TANC2: variants seen among roughly 807,000 people sequenced by gnomAD.
The protein encoded by TANC2 is tetratricopeptide repeat, ankyrin repeat and coiled-coil containing 2.
TANC2 carries 26 observed loss-of-function variants against 210.5 expected under a neutral mutation model. The ratio of observed to expected loss-of-function variants is 0.12; its 90% CI spans 0.09 to 0.17. The LOEUF is 0.17. Among genes scored for constraint, TANC2 ranks in the 10% least tolerant of loss-of-function variants. The pLI is 1.00. For missense variants in TANC2, 2,129 were observed against 2,608.9 expected (o/e 0.82, Z 4.01); for synonymous variants, 931 against 967.1 (o/e 0.96, Z 0.69).
intron 6 of TANC2, among the ~76,000 whole-genome samples, chr17:63,198,893 G>A (rs989070604): frequency 6.6e-6 from 1 of 152,174 alleles, no homozygotes; most frequent in Non-Finnish European, 1.5e-5. Flanking sequence ...TAGTAGAAGA[G>A]AAATTTGGAT....
In TANC2 at chr17:63,421,997, C is replaced by T. The variant is rs2049038058; in HGVS notation, c.*42C>T. ...GTGAGACCCATATGTTTTCACTGCA[C>T]ATTTTCAGGCTTGGTTTCCACATTC... On this transcript the variant is annotated 3_prime_UTR_variant, in exon 28 of 28. Transcript: ENST00000689528. This position sits in a 1 kb window ranked among gnomAD's most constrained non-coding sequence, Gnocchi z 6.9. 3 of 1,541,324 alleles carry T rather than the reference C, an allele frequency of 1.9e-6. No homozygotes were observed. The highest frequency in any genetic ancestry group is 2.6e-6 in the Non-Finnish European group (3 of 1,144,514).
chr17:63,131,614 A>G lies in TANC2; in HGVS notation c.323-19656A>G, dbSNP rs914096146. Among the ~76,000 whole-genome samples, 6 of 152,122 alleles carry G rather than the reference A, an allele frequency of 3.9e-5. No individual in the cohort carries two copies. In the East Asian group the frequency reaches 9.6e-4, roughly 24 times the overall value. On this transcript the variant is annotated intron_variant, in intron 4 of 27. Transcript: ENST00000689528. The stretch of plus-strand genomic sequence containing the variant: ...CATCACAAGACTGATCCAAATATCC[A>G]GTATTAACGGATATTTAAGTAAACA...
intron 6 of TANC2, chr17:63,197,507 T>G (rs1348478108): frequency 6.6e-6 from 1 of 152,230 alleles, no homozygotes; most frequent in Non-Finnish European, 1.5e-5. Context: ...TAAACTGCTA[T>G]GCTTAGGCAG....
intron 26 of TANC2, among the ~76,000 whole-genome samples, chr17:63,416,144 T>G (rs1022462717): frequency 6.6e-6 from 1 of 152,220 alleles, no homozygotes; most frequent in Non-Finnish European, 1.5e-5. Flanking sequence ...TTTTCGCCTC[T>G]TTCCTCATCT....
At chr17:63,375,814 G>A (rs1263710057) in intron 14 of TANC2, among the ~76,000 whole-genome samples, 1 of 152,218 alleles carries the variant, frequency 6.6e-6, no homozygotes, top group East Asian at 1.9e-4. Flanking sequence ...AATAGGCTGG[G>A]TGCAGTGGCT....
At chr17:63,388,722 G>A (rs1368771075) in exon 16 of TANC2, 1 of 1,583,782 alleles carries the variant, frequency 6.3e-7, no homozygotes, top group Non-Finnish European at 8.6e-7. Context: ...CATGGCACTG[G>A]CGTCTTTACG....
Position 63,415,477 on chromosome 17 carries a change from C to T in TANC2, c.4021-51C>T, listed in dbSNP as rs1042230656. On this transcript the variant is annotated intron_variant, in intron 25 of 27. Transcript: ENST00000689528. ...GAAGGGAGTGGGGACCACACTTCCT[C>T]AGCTGTTCAGCAGACCAACTGTGTG... The T allele has an allele frequency of 5.1e-5, 82 of 1,601,158 alleles. 1 individual carries two copies. In the South Asian group the frequency reaches 8.9e-4, roughly 17 times the overall value.
intron 7 of TANC2, among the ~76,000 whole-genome samples, chr17:63,227,929 T>C (rs1046267280): frequency 6.6e-6 from 1 of 152,160 alleles, no homozygotes; most frequent in Non-Finnish European, 1.5e-5. Context: ...AGTGCTGCAA[T>C]CTCGGCTCAC....
At chr17:63,341,255 A>G (rs1874577020) in intron 12 of TANC2, among the ~76,000 whole-genome samples, 1 of 151,966 alleles carries the variant, frequency 6.6e-6, no homozygotes, top group Non-Finnish European at 1.5e-5. Context: ...TTTCTCCTCT[A>G]CTCTGATGAC....
At chr17:63,037,760 G>A (rs1009681170) in intron 2 of TANC2, among the ~76,000 whole-genome samples, 4 of 152,158 alleles carry the variant, frequency 2.6e-5, no homozygotes, top group African/African-American at 7.2e-5. Flanking sequence ...GTTGCAGTGA[G>A]CCAAGATTGT....
intron 8 of TANC2, among the ~76,000 whole-genome samples, chr17:63,244,089 G>A (rs2042851106): frequency 6.6e-6 from 1 of 152,168 alleles, no homozygotes; most frequent in Admixed American, 6.5e-5. Flanking sequence ...TATCATTGTG[G>A]TGGAAAAGGA....
chr17:63,397,205 G>A (rs539137862), intron 18 of TANC2, among the ~76,000 whole-genome samples: 3 of 152,136 alleles, frequency 2.0e-5, no homozygotes, highest in African/African-American at 7.2e-5. Flanking sequence ...AACCCGGGAG[G>A]TGGAGGTTGC....
chr17:63,004,830 C>CT (rs2033543586), intron 1 of TANC2: 4 of 306,216 alleles, frequency 1.3e-5, no homozygotes, highest in Admixed American at 7.8e-5. Context: ...TACCAAGGGC[C>CT]TTTTTTGGCT....
At chr17:63,069,594 T>C (rs2036323285) in intron 2 of TANC2, among the ~76,000 whole-genome samples, 2 of 152,232 alleles carry the variant, frequency 1.3e-5, no homozygotes, top group Admixed American at 6.5e-5. Flanking sequence ...TCAGGTCTTA[T>C]TATGCCCACA....
chr17:62,985,327 CA>C (rs2032514890), intron 1 of TANC2, among the ~76,000 whole-genome samples: 2 of 152,140 alleles, frequency 1.3e-5, no homozygotes, highest in African/African-American at 4.8e-5. Flanking sequence ...TTACTTTTGA[CA>C]ATTTGACTGT....
At chr17:63,410,265 A>G (rs1037117702) in intron 21 of TANC2, among the ~76,000 whole-genome samples, 22 of 151,988 alleles carry the variant, frequency 1.4e-4, no homozygotes, top group African/African-American at 5.3e-4. Context: ...GTTAGTAACT[A>G]GTACCGTAGA....
chr17:63,298,083 G>A (rs768693256), intron 9 of TANC2, among the ~76,000 whole-genome samples: 1 of 152,124 alleles, frequency 6.6e-6, no homozygotes, highest in Non-Finnish European at 1.5e-5. Flanking sequence ...GGAAAAATAG[G>A]AACTCTTGTA....
At chr17:63,145,931 A>G (rs563140827) in intron 4 of TANC2, among the ~76,000 whole-genome samples, 22 of 139,110 alleles carry the variant, frequency 1.6e-4, no homozygotes, top group South Asian at 1.1e-3. Flanking sequence ...ATTTCTGGGG[A>G]AAAAAAAAGT....
intron 1 of TANC2, among the ~76,000 whole-genome samples, chr17:62,974,475 T>G (rs2031888401): frequency 6.6e-6 from 1 of 152,222 alleles, no homozygotes; most frequent in Non-Finnish European, 1.5e-5. Flanking sequence ...GTGTAAAGTT[T>G]AAAAGTTGAG....
Sources: allele counts gnomAD v4.1 joint callset (sites outside exome capture counted in the v4.1 genomes callset), GRCh38; gene constraint gnomAD v4.1.1; non-coding constraint Gnocchi (gnomAD v3.1); transcripts MANE v1.5; gene names NCBI Gene and HGNC (gene_info 2026-07-23, HGNC 2026-07-21).